The following VEPH1 variants were observed in gnomAD, a reference collection of about 807,000 sequenced individuals.
The protein encoded by VEPH1 is ventricular zone expressed PH domain containing 1.
VEPH1 carries 80 observed loss-of-function variants against 85.2 expected under a neutral mutation model. The ratio of observed to expected loss-of-function variants is 0.94; its 90% CI spans 0.78 to 1.13. The LOEUF is 1.13. VEPH1 is among the 50% of genes most tolerant of loss of function. The pLI is 0.00. For synonymous variants in VEPH1, 297 were observed against 348.0 expected (o/e 0.85, Z 1.63); for missense variants, 955 against 980.5 (o/e 0.97, Z 0.35).
intron 2 of VEPH1, among the ~76,000 whole-genome samples, chr3:157,488,511 T>C (rs545366970): frequency 4.1e-4 from 62 of 149,708 alleles, no homozygotes; most frequent in South Asian, 2.3e-3. Context: ...TTCTTTCTTT[T>C]TTTTTTTTTT....
At chr3:157,371,193 CGT>C (rs1214041290) in intron 7 of VEPH1, among the ~76,000 whole-genome samples, 1 of 151,940 alleles carries the variant, frequency 6.6e-6, no homozygotes, top group Non-Finnish European at 1.5e-5. Flanking sequence ...TTAAACAGTG[CGT>C]ACTAAAAGAG....
chr3:157,361,119 C>A (rs1726006566), intron 9 of VEPH1, among the ~76,000 whole-genome samples: 1 of 152,100 alleles, frequency 6.6e-6, no homozygotes, highest in Admixed American at 6.5e-5. Context: ...AGATTATTAG[C>A]AAAGTAGGCA....
chr3:157,377,080 G>A (rs147012408), intron 7 of VEPH1, among the ~76,000 whole-genome samples: 101 of 152,224 alleles, frequency 6.6e-4, no homozygotes, highest in African/African-American at 2.0e-3. Flanking sequence ...AGGATGAGCC[G>A]TTCAGACAAA....
At chr3:157,395,653 C>T (rs1730308486) in intron 6 of VEPH1, among the ~76,000 whole-genome samples, 1 of 152,140 alleles carries the variant, frequency 6.6e-6, no homozygotes, top group African/African-American at 2.4e-5. Context: ...CAGTTTTTGG[C>T]CACTCAGGTC....
At chr3:157,316,169 A>G (rs968815526) in intron 10 of VEPH1, 3 of 152,062 alleles carry the variant, frequency 2.0e-5, no homozygotes, top group Non-Finnish European at 4.4e-5. Flanking sequence ...TTATCTTATA[A>G]TGAAATACAA....
At chr3:157,295,729 C>T (rs1009091763) in intron 11 of VEPH1, among the ~76,000 whole-genome samples, 1 of 152,008 alleles carries the variant, frequency 6.6e-6, no homozygotes, top group African/African-American at 2.4e-5. Context: ...CTGAGGCAGG[C>T]GGATCACTTG....
rs1243720641 is a variant in VEPH1 at position 157,306,485 on chromosome 3, T to C, written c.2010+7136A>G. On this transcript the variant is annotated intron_variant, in intron 11 of 13. Transcript: ENST00000362010. The stretch of plus-strand genomic sequence containing the variant: ...AAGATTTATCCCATGCTATTACATA[T>C]AGGTCTAATTAATTCACTTTACCTG... 2.6e-5 allele frequency among the ~76,000 whole-genome samples: 4 copies of C among 152,212 alleles called. No individual in the cohort carries two copies. The East Asian group carries it at 7.7e-4, about 29-fold the overall frequency.
chr3:157,416,436 G>A (rs1731915374), intron 5 of VEPH1, among the ~76,000 whole-genome samples: 1 of 152,146 alleles, frequency 6.6e-6, no homozygotes, highest in South Asian at 2.1e-4. Flanking sequence ...GTGCATTAGG[G>A]AGCAATTGTA....
chr3:157,402,981 A>C lies in VEPH1; in HGVS notation c.906+10900T>G, dbSNP rs1035577002. On this transcript the variant is annotated intron_variant, in intron 6 of 13. Coordinates refer to ENST00000362010, the MANE Select transcript of VEPH1 (RefSeq NM_001167912.2). Reference sequence around the variant, plus strand: ...AGCTCTGTTCATGTAAACCAGTACCAAGTTCCTAAGCCCTACTCACTACAA... The same window carrying C: ...AGCTCTGTTCATGTAAACCAGTACCCAGTTCCTAAGCCCTACTCACTACAA... 2.8e-4 allele frequency among the ~76,000 whole-genome samples: 43 copies of C among 152,272 alleles called. 1 individual carries two copies. Among genetic ancestry groups the C allele is most frequent in the African/African-American group, 1.0e-3 (43 of 41,566 alleles).
chr3:157,425,682 C>T (rs531757247), intron 5 of VEPH1, among the ~76,000 whole-genome samples: 67 of 152,254 alleles, frequency 4.4e-4, no homozygotes, highest in African/African-American at 1.4e-3. Context: ...AAGCAGAAGG[C>T]ACTTGCCTTG....
chr3:157,314,330 C>CAAAAAAAAAAAAAAAAAAA (rs34703314), intron 10 of VEPH1, among the ~76,000 whole-genome samples: 1 of 43,202 alleles, frequency 2.3e-5, no homozygotes. Flanking sequence ...GAGGATCCGT[C>CAAAAAAAAAAAAAAAAAAA]AAAAAAAAAA....
intron 2 of VEPH1, among the ~76,000 whole-genome samples, chr3:157,488,265 C>A (rs1285477719): frequency 6.6e-6 from 1 of 152,028 alleles, no homozygotes; most frequent in Non-Finnish European, 1.5e-5. Flanking sequence ...TTCTTCAATT[C>A]TCTTCCCACC....
intron 9 of VEPH1, among the ~76,000 whole-genome samples, chr3:157,343,819 C>G (rs1723882548): frequency 6.6e-6 from 1 of 152,148 alleles, no homozygotes; most frequent in South Asian, 2.1e-4. Flanking sequence ...CATCAAAAAG[C>G]TTATCCACCA....
intron 11 of VEPH1, among the ~76,000 whole-genome samples, chr3:157,302,653 C>T (rs1046649631): frequency 6.6e-6 from 1 of 152,184 alleles, no homozygotes; most frequent in Non-Finnish European, 1.5e-5. Flanking sequence ...TGTTTATAAG[C>T]ACCCAGTTAA....
At chr3:157,325,197 T>TC (rs1158981827) in intron 9 of VEPH1, among the ~76,000 whole-genome samples, 1 of 152,178 alleles carries the variant, frequency 6.6e-6, no homozygotes, top group South Asian at 2.1e-4. Context: ...TGTTTTTTTT[T>TC]CTTGTAAATT....
At chr3:157,406,767 A>AT (rs1316754994) in intron 6 of VEPH1, among the ~76,000 whole-genome samples, 1 of 152,088 alleles carries the variant, frequency 6.6e-6, no homozygotes, top group Non-Finnish European at 1.5e-5. Context: ...TGTAAAAAAA[A>AT]TTTTAAAGCA....
intron 6 of VEPH1, among the ~76,000 whole-genome samples, chr3:157,389,855 T>C (rs1577538395): frequency 6.6e-6 from 1 of 152,202 alleles, no homozygotes; most frequent in African/African-American, 2.4e-5. Context: ...TGAGGTCAGC[T>C]GAAATTTTAT....
intron 9 of VEPH1, among the ~76,000 whole-genome samples, chr3:157,330,567 T>C (rs995727529): frequency 2.0e-5 from 3 of 152,206 alleles, no homozygotes; most frequent in Admixed American, 6.5e-5. Context: ...TCTGGGTTGA[T>C]AGAAGTAGCA....
intron 9 of VEPH1, among the ~76,000 whole-genome samples, chr3:157,343,006 T>A (rs920604156): frequency 8.5e-5 from 13 of 152,130 alleles, no homozygotes; most frequent in Admixed American, 6.6e-5. Flanking sequence ...CATACCAGAA[T>A]CTCTGGGACA....
Sources: allele counts gnomAD v4.1 joint callset (sites outside exome capture counted in the v4.1 genomes callset), GRCh38; gene constraint gnomAD v4.1.1; transcripts MANE v1.5; gene names NCBI Gene and HGNC (gene_info 2026-07-23, HGNC 2026-07-21).